The following MICAL2 variants were observed in gnomAD, a reference collection of about 807,000 sequenced individuals.
MICAL2 encodes the protein [F-actin]-monooxygenase MICAL2.
In MICAL2, 77 loss-of-function variants were observed where a neutral mutation model predicts 127.3. The observed-to-expected ratio is 0.60, with a 90% CI of 0.50 to 0.73. MICAL2 has a LOEUF of 0.73. Ranked by LOEUF, MICAL2 falls within the 30% of genes least tolerant of loss-of-function variation. The pLI, the probability that MICAL2 is intolerant of heterozygous loss-of-function variation, is 0.00. For synonymous variants in MICAL2, 570 were observed against 551.1 expected, an observed-to-expected ratio of 1.03 and a Z score of -0.48; for missense variants, 1,351 against 1,434.4, an observed-to-expected ratio of 0.94 and a Z score of 0.94.
rs1852564526 is a variant in MICAL2 at position 12,143,546 on chromosome 11, G to A, written c.-78+5086G>A. 2.0e-5 allele frequency among the ~76,000 whole-genome samples: 3 copies of A among 152,322 alleles called. No individual in the cohort carries two copies. In the South Asian group the frequency reaches 6.2e-4, roughly 32 times the overall value. The stretch of plus-strand genomic sequence containing the variant: ...TTCAGAGAGTTTGTGTCCGTTTTCT[G>A]CATTTTGTGTCTCACACACCAATGG... On this transcript the variant is annotated intron_variant, in intron 2 of 27. Transcript: ENST00000683283.
At chr11:12,232,894 G>T (rs1389660530) in intron 15 of MICAL2, among the ~76,000 whole-genome samples, 3 of 152,166 alleles carry the variant, frequency 2.0e-5, no homozygotes, top group Admixed American at 6.5e-5. Context: ...AAACAATTCA[G>T]TTTTAGATTG....
chr11:12,184,082 G>C (rs1324616685), intron 3 of MICAL2, among the ~76,000 whole-genome samples: 2 of 152,186 alleles, frequency 1.3e-5, no homozygotes, highest in Non-Finnish European at 2.9e-5. Flanking sequence ...GTCGGATCTT[G>C]GCTGTGTGAC....
At chr11:12,299,353 G>A (rs2134800661) in intron 29 of MICAL2, among the ~76,000 whole-genome samples, 1 of 152,184 alleles carries the variant, frequency 6.6e-6, no homozygotes, top group South Asian at 2.1e-4. Context: ...CATTTAACTT[G>A]GGGGTGCACA....
At position 12,119,895 on chromosome 11, in the gene MICAL2, A is replaced by G. The variant is rs185392330; in HGVS notation, c.-149+9169A>G. Among the ~76,000 whole-genome samples the G allele has an allele frequency of 6.6e-5, 10 of 152,318 alleles. No homozygotes were observed. In the East Asian group the frequency reaches 1.9e-3, roughly 29 times the overall value. On this transcript the variant is annotated intron_variant, in intron 1 of 27. Transcript: ENST00000683283. ...GGATGCTTCCTGATGCTGAGTGGAC[A>G]GAGAGGTGTGTTTCTTGCTCAAGGT...
intron 29 of MICAL2, among the ~76,000 whole-genome samples, chr11:12,310,718 T>C (rs1344901513): frequency 2.0e-5 from 3 of 152,114 alleles, no homozygotes; most frequent in Non-Finnish European, 4.4e-5. Context: ...AAGAATGTCA[T>C]TGGTATTTTG....
intron 1 of MICAL2, among the ~76,000 whole-genome samples, chr11:12,123,441 G>C (rs932786250): frequency 6.6e-6 from 1 of 152,058 alleles, no homozygotes; most frequent in African/African-American, 2.4e-5. Context: ...GTCAGTTCTG[G>C]TGTTTTCTTG....
At chr11:12,224,249 G>A (rs1478399561) in intron 12 of MICAL2, among the ~76,000 whole-genome samples, 3 of 152,104 alleles carry the variant, frequency 2.0e-5, no homozygotes, top group Non-Finnish European at 4.4e-5. Context: ...AAGCTCAAAC[G>A]TACCTCCCCA....
At chr11:12,340,519 G>T (rs1005467680) in intron 32 of MICAL2, among the ~76,000 whole-genome samples, 2 of 152,146 alleles carry the variant, frequency 1.3e-5, no homozygotes, top group African/African-American at 4.8e-5. Flanking sequence ...TACAATTTAA[G>T]AATTTCATTC....
rs1013010164 is a variant in MICAL2 at position 12,353,105 on chromosome 11, C to T, written c.5616-1679C>T. Among the ~76,000 whole-genome samples, 6 of 152,156 alleles carry T rather than the reference C, an allele frequency of 3.9e-5. No homozygotes were observed. The East Asian group carries it at 1.2e-3, about 29-fold the overall frequency. On this transcript the variant is annotated intron_variant, in intron 33 of 34. Transcript: ENST00000646065. ...CAGGGTTGATAACAAGAAGCAGGGACCTTGGCCCATGTAGTAGCAGATGTA... is the reference window on the plus strand; with the variant it reads ...CAGGGTTGATAACAAGAAGCAGGGATCTTGGCCCATGTAGTAGCAGATGTA...
intron 29 of MICAL2, among the ~76,000 whole-genome samples, chr11:12,319,046 G>C (rs989946832): frequency 6.6e-6 from 1 of 152,172 alleles, no homozygotes; most frequent in Admixed American, 6.5e-5. Context: ...AATAAAAATG[G>C]CATTTGTTTA....
chr11:12,261,028 G>T, intron 26 of MICAL2: 1 of 985,532 alleles, frequency 1.0e-6, no homozygotes, highest in Non-Finnish European at 1.2e-6. Flanking sequence ...GGCTCCCAGC[G>T]GATCCCCCAG....
At chr11:12,177,389 G>T (rs1856952035) in intron 3 of MICAL2, among the ~76,000 whole-genome samples, 1 of 152,024 alleles carries the variant, frequency 6.6e-6, no homozygotes. Context: ...TGTATATTCT[G>T]GATACTAACT....
chr11:12,200,017 C>G (rs1860484441), intron 3 of MICAL2, among the ~76,000 whole-genome samples: 1 of 152,148 alleles, frequency 6.6e-6, no homozygotes, highest in Admixed American at 6.5e-5. Flanking sequence ...CTGAAACATC[C>G]CAGTTGTGAA....
intron 2 of MICAL2, among the ~76,000 whole-genome samples, chr11:12,152,511 G>C (rs1853709416): frequency 6.6e-6 from 1 of 151,968 alleles, no homozygotes; most frequent in African/African-American, 2.4e-5. Flanking sequence ...TCCTGGGTAG[G>C]GCGATGTATG....
intron 32 of MICAL2, among the ~76,000 whole-genome samples, chr11:12,330,232 C>T (rs1454159608): frequency 1.3e-5 from 2 of 152,120 alleles, no homozygotes; most frequent in Non-Finnish European, 2.9e-5. Context: ...TCTATTCAGT[C>T]CCTTTAAGAG....
At chr11:12,346,633 C>G (rs533244021) in intron 32 of MICAL2, among the ~76,000 whole-genome samples, 1 of 152,180 alleles carries the variant, frequency 6.6e-6, no homozygotes, top group South Asian at 2.1e-4. Context: ...GGCTTTCCCT[C>G]GCTTTCTCCA....
At chr11:12,351,190 C>T (rs917603902) in intron 33 of MICAL2, among the ~76,000 whole-genome samples, 1 of 152,162 alleles carries the variant, frequency 6.6e-6, no homozygotes, top group African/African-American at 2.4e-5. Context: ...GTGGACATAT[C>T]TTTTAGGGAG....
intron 1 of MICAL2, among the ~76,000 whole-genome samples, chr11:12,114,603 G>A (rs574515332): frequency 1.5e-4 from 23 of 152,142 alleles, no homozygotes; most frequent in Admixed American, 3.9e-4. Flanking sequence ...ACTGAACGCC[G>A]TGTCTGGGAC....
At chr11:12,349,455 A>G (rs1457092523) in intron 32 of MICAL2, among the ~76,000 whole-genome samples, 1 of 151,940 alleles carries the variant, frequency 6.6e-6, no homozygotes, top group Admixed American at 6.5e-5. Flanking sequence ...GAGAAAAAGA[A>G]GAAGGAAATG....
Sources: allele counts gnomAD v4.1 joint callset (sites outside exome capture counted in the v4.1 genomes callset), GRCh38; gene constraint gnomAD v4.1.1; transcripts MANE v1.5; gene names NCBI Gene and HGNC (gene_info 2026-07-23, HGNC 2026-07-21).